Variants in THSD7B observed in about 807,000 individuals in gnomAD.
THSD7B encodes thrombospondin type-1 domain-containing protein 7B.
In THSD7B, 138 loss-of-function variants were observed where a neutral mutation model predicts 213.6. That is an observed-to-expected ratio of 0.65 (90% CI 0.56 to 0.74). The LOEUF (loss-of-function observed/expected upper bound fraction) is 0.74, where lower values mean the gene tolerates loss of function less well. THSD7B is among the 30% of genes least tolerant of loss of function. The pLI is 0.00. For missense variants in THSD7B, 1,931 were observed against 1,991.5 expected (o/e 0.97, Z 0.58); for synonymous variants, 742 against 687.0 (o/e 1.08, Z -1.25).
chr2:137,064,159 C>A (rs138061616), intron 3 of THSD7B, among the ~76,000 whole-genome samples: 3 of 151,978 alleles, frequency 2.0e-5, no homozygotes, highest in Non-Finnish European at 4.4e-5. Flanking sequence ...CACATCCTCA[C>A]CAGCATTTGT....
At chr2:137,600,591 A>G (rs1220559627) in intron 17 of THSD7B, among the ~76,000 whole-genome samples, 2 of 152,140 alleles carry the variant, frequency 1.3e-5, no homozygotes, top group Non-Finnish European at 2.9e-5. Context: ...TACAAAAATT[A>G]GCTGGGTGTA....
chr2:137,078,968 G>T (rs994801159), intron 3 of THSD7B, among the ~76,000 whole-genome samples: 1 of 152,004 alleles, frequency 6.6e-6, no homozygotes, highest in African/African-American at 2.4e-5. Context: ...AGTGTTGTTT[G>T]TGATATTTCT....
intron 5 of THSD7B, among the ~76,000 whole-genome samples, chr2:137,140,863 C>G (rs555391253): frequency 1.2e-3 from 189 of 152,158 alleles, no homozygotes; most frequent in Non-Finnish European, 1.4e-3. Flanking sequence ...AAAAATTAAG[C>G]AGGCTTAGAG....
At chr2:137,375,177 C>T in intron 12 of THSD7B, among the ~76,000 whole-genome samples, 1 of 152,066 alleles carries the variant, frequency 6.6e-6, no homozygotes, top group East Asian at 1.9e-4. Context: ...AATTACTTTG[C>T]AGAGTTTAGA....
At position 137,489,529 on chromosome 2, in the gene THSD7B, T is replaced by C. The variant is rs1688559243; in HGVS notation, c.3138+38506T>C. 1.3e-5 allele frequency among the ~76,000 whole-genome samples: 2 copies of C among 152,254 alleles called. 1 individual carries two copies. The highest frequency in any genetic ancestry group is 4.1e-4 in the South Asian group (2 of 4,830). On this transcript the variant is annotated intron_variant, in intron 15 of 27. Transcript: ENST00000409968. ...TCGATGTTTGCCAATTTAGTCTTATTGACCATAAGTTGTTTTGGTTTGGAT... is the reference window on the plus strand; with the variant it reads ...TCGATGTTTGCCAATTTAGTCTTATCGACCATAAGTTGTTTTGGTTTGGAT...
chr2:137,264,783 G>A (rs1573920409), intron 10 of THSD7B, among the ~76,000 whole-genome samples: 1 of 150,788 alleles, frequency 6.6e-6, no homozygotes, highest in East Asian at 1.9e-4. Context: ...GTTTGTTGAG[G>A]GACGCAAAAG....
At chr2:137,655,806 A>G (rs1261621671) in intron 22 of THSD7B, 146 bp downstream of exon 22, 4 of 1,103,032 alleles carry the variant, frequency 3.6e-6, no homozygotes, top group Admixed American at 3.0e-5. Context: ...TCACTTTGGT[A>G]TATACCTACG....
At chr2:137,356,629 A>C (rs1368920569) in intron 12 of THSD7B, among the ~76,000 whole-genome samples, 1 of 152,136 alleles carries the variant, frequency 6.6e-6, no homozygotes, top group Non-Finnish European at 1.5e-5. Flanking sequence ...AGTCTTGCCC[A>C]CTGGAGCTTG....
chr2:137,125,650 C>A (rs1480865128), intron 5 of THSD7B, among the ~76,000 whole-genome samples: 1 of 152,214 alleles, frequency 6.6e-6, no homozygotes, highest in African/African-American at 2.4e-5. Context: ...TCCCATGGAT[C>A]ACAAATGTTC....
At chr2:136,875,450 C>G (rs1683511827) in intron 1 of THSD7B, among the ~76,000 whole-genome samples, 1 of 151,764 alleles carries the variant, frequency 6.6e-6, no homozygotes, top group South Asian at 2.1e-4. Context: ...GAAATCCATT[C>G]TGCACTTTCC....
intron 14 of THSD7B, among the ~76,000 whole-genome samples, chr2:137,431,921 T>C (rs184331269): frequency 6.6e-6 from 1 of 152,286 alleles, no homozygotes. Context: ...GAAATATTTT[T>C]ATTTGAGATG....
At chr2:136,822,785 C>A (rs972991719) in intron 1 of THSD7B, among the ~76,000 whole-genome samples, 1 of 152,172 alleles carries the variant, frequency 6.6e-6, no homozygotes, top group Non-Finnish European at 1.5e-5. Context: ...AGAGTCCTAC[C>A]TGCATTCATC....
At position 137,272,547 on chromosome 2, in the gene THSD7B, A is replaced by C. The variant is rs1682770109; in HGVS notation, c.2281A>C (p.Lys761Gln). 1.9e-6 allele frequency: 3 copies of C among 1,610,240 alleles called. No individual in the cohort carries two copies. In the East Asian group the frequency reaches 6.7e-5, roughly 36 times the overall value. ...RMCQAGNATV[K>Q]QSRYRIIIQE... Reference sequence around the variant, plus strand: ...CTTTACTTCAGGAAATGCCACAGTAAAACAGTCTCGATACAGAATCATCAT... The same window carrying C: ...CTTTACTTCAGGAAATGCCACAGTACAACAGTCTCGATACAGAATCATCAT... Residue 761 changes from lysine to glutamine, a missense_variant, in exon 11 of 28, where the codon AAA becomes CAA. By Grantham distance (53) the Lys-to-Gln change is moderately conservative. Coordinates refer to ENST00000409968, the MANE Select transcript of THSD7B (RefSeq NM_001316349.2).
At chr2:137,158,911 T>C (rs1241206400) in intron 5 of THSD7B, among the ~76,000 whole-genome samples, 1 of 152,142 alleles carries the variant, frequency 6.6e-6, no homozygotes, top group East Asian at 1.9e-4. Context: ...GTGTGTAAAA[T>C]AACATTTTCG....
chr2:137,549,310 CTTT>C (rs1027305359), intron 15 of THSD7B, among the ~76,000 whole-genome samples: 5 of 25,186 alleles, frequency 2.0e-4, no homozygotes, highest in African/African-American at 4.5e-4. Context: ...TTCAGATGCT[CTTT>C]TTTTTTTTTT....
intron 2 of THSD7B, among the ~76,000 whole-genome samples, chr2:136,925,148 G>A (rs1013584002): frequency 1.1e-4 from 16 of 151,982 alleles, no homozygotes; most frequent in African/African-American, 2.7e-4. Flanking sequence ...CCTCTTTTAC[G>A]ATTTACATGT....
intron 2 of THSD7B, among the ~76,000 whole-genome samples, chr2:137,026,246 C>T (rs1359845392): frequency 6.6e-6 from 1 of 152,144 alleles, no homozygotes; most frequent in African/African-American, 2.4e-5. Flanking sequence ...AGATTCTCTG[C>T]TTTTCCAGTG....
At chr2:136,906,497 A>T (rs182665097) in intron 2 of THSD7B, 13 of 152,290 alleles carry the variant, frequency 8.5e-5, no homozygotes, top group African/African-American at 3.1e-4. Context: ...AGTAGAGTCA[A>T]GCAAATAAAC....
intron 15 of THSD7B, among the ~76,000 whole-genome samples, chr2:137,473,876 A>G (rs1688142704): frequency 6.6e-6 from 1 of 152,162 alleles, no homozygotes; most frequent in African/African-American, 2.4e-5. Context: ...CACTTTGAAA[A>G]CCACTTTCTT....
Sources: gnomAD v4.1 joint callset for allele counts (sites outside exome capture counted in the v4.1 genomes callset) on GRCh38, gnomAD v4.1.1 for gene constraint, MANE v1.5 for transcripts, NCBI Gene and HGNC (gene_info 2026-07-23, HGNC 2026-07-21) for gene names.